Variants in HS6ST2 observed in about 807,000 individuals in gnomAD.
HS6ST2 encodes heparan-sulfate 6-O-sulfotransferase 2.
A neutral mutation model predicts 33.0 loss-of-function variants in HS6ST2; 17 were observed. The observed-to-expected ratio is 0.52, with a 90% CI of 0.35 to 0.77. The LOEUF (loss-of-function observed/expected upper bound fraction) is 0.77. Among genes scored for constraint, HS6ST2 ranks in the 30% least tolerant of loss-of-function variants. The pLI is 0.01. For missense variants in HS6ST2, 519 were observed against 551.7 expected, an observed-to-expected ratio of 0.94 and a Z score of 0.59; for synonymous variants, 248 against 237.1, an observed-to-expected ratio of 1.05 and a Z score of -0.42.
intron 2 of HS6ST2, among the ~76,000 whole-genome samples, chrX:132,744,977 T>G (rs2064622929): frequency 8.9e-6 from 1 of 112,456 alleles, no homozygotes; most frequent in Non-Finnish European, 1.9e-5. Context: ...TAGTTTAGAT[T>G]CAGGCGTTAC....
intron 2 of HS6ST2, among the ~76,000 whole-genome samples, chrX:132,849,146 A>AT (rs1374301213): frequency 1.7e-4 from 19 of 111,863 alleles, no homozygotes; most frequent in Non-Finnish European, 3.0e-4. Context: ...CTCTGTTGTA[A>AT]TTTTTAATAA....
At chrX:132,930,329 T>G (rs1268131504) in intron 2 of HS6ST2, among the ~76,000 whole-genome samples, 2 of 110,643 alleles carry the variant, frequency 1.8e-5, no homozygotes, top group Non-Finnish European at 3.8e-5. Flanking sequence ...GCCTGGCTAA[T>G]TTTGTATTTT....
intron 2 of HS6ST2, among the ~76,000 whole-genome samples, chrX:132,806,076 C>T (rs1220514216): frequency 9.1e-6 from 1 of 110,102 alleles, no homozygotes; most frequent in East Asian, 2.8e-4. Flanking sequence ...GAGACTTTGC[C>T]TTGGTATACC....
chrX:132,958,504 T>C lies in HS6ST2; in HGVS notation c.99A>G (p.Arg33=). 8.4e-7 allele frequency: 1 copy of C among 1,195,767 alleles called. No homozygotes were observed. The highest frequency in any genetic ancestry group is 1.1e-6 in the Non-Finnish European group (1 of 888,561). Residue 33 remains arginine (R), a synonymous_variant, in exon 1 of 5, where the codon AGA becomes AGG. Coordinates refer to ENST00000370833, the MANE Select transcript of HS6ST2 (RefSeq NM_001394073.1). ...GGCTCGCTGCCAATTCGGCCTCTAC[T>C]CTGGAATGCCGGCGGGGACAGGTGG... ...VRTTCPRRHS[R]VEAELAASRP...
chrX:132,778,397 GT>G (rs1269592662), intron 2 of HS6ST2, among the ~76,000 whole-genome samples: 2 of 110,150 alleles, frequency 1.8e-5, no homozygotes, highest in African/African-American at 6.7e-5. Context: ...GTTTTGTTTT[GT>G]TTTTTTGTTT....
intron 4 of HS6ST2, among the ~76,000 whole-genome samples, chrX:132,648,545 A>T (rs1044803663): frequency 1.8e-5 from 2 of 110,229 alleles, no homozygotes; most frequent in Non-Finnish European, 3.8e-5. Flanking sequence ...AGACAAAAAA[A>T]AAAAAAAAAA....
intron 2 of HS6ST2, among the ~76,000 whole-genome samples, chrX:132,835,536 T>C (rs1168849597): frequency 8.9e-6 from 1 of 112,202 alleles, no homozygotes; most frequent in African/African-American, 3.2e-5. Flanking sequence ...TGTATGAAGG[T>C]AACTCAAATA....
intron 2 of HS6ST2, among the ~76,000 whole-genome samples, chrX:132,881,486 T>C (rs1569500411): frequency 0.043 from 2 of 46 alleles, no homozygotes; most frequent in African/African-American, 0.14. Flanking sequence ...TTGTTTTTCT[T>C]GTAAATTTGT....
chrX:132,953,750 C>A (rs1206687507), intron 2 of HS6ST2, among the ~76,000 whole-genome samples: 1 of 112,492 alleles, frequency 8.9e-6, no homozygotes, highest in African/African-American at 3.2e-5. Flanking sequence ...GAAATCCGTT[C>A]TTCTCCCAAT....
intron 3 of HS6ST2, among the ~76,000 whole-genome samples, chrX:132,674,570 G>T (rs1356411000): frequency 1.8e-5 from 2 of 111,892 alleles, no homozygotes; most frequent in Non-Finnish European, 3.8e-5. Flanking sequence ...TTGCTATTTT[G>T]CTCTCTTCAC....
chrX:132,738,000 T>C (rs959369852), intron 2 of HS6ST2, among the ~76,000 whole-genome samples: 3 of 112,707 alleles, frequency 2.7e-5, no homozygotes, highest in African/African-American at 9.7e-5. Context: ...TTCTGTTCTC[T>C]GCCAACCCTT....
At chrX:132,784,897 G>A (rs916786374) in intron 2 of HS6ST2, among the ~76,000 whole-genome samples, 2 of 111,572 alleles carry the variant, frequency 1.8e-5, no homozygotes, top group Non-Finnish European at 3.8e-5. Flanking sequence ...GGTGCCAGAC[G>A]TGTCCCTTGG....
chrX:132,864,062 A>C (rs188447193), intron 2 of HS6ST2, among the ~76,000 whole-genome samples: 75 of 111,044 alleles, frequency 6.8e-4, no homozygotes, highest in African/African-American at 2.4e-3. Context: ...CAACATCAAC[A>C]AAAAGGACAT....
At chrX:132,710,829 A>G (rs1346832238) in intron 2 of HS6ST2, among the ~76,000 whole-genome samples, 1 of 111,553 alleles carries the variant, frequency 9.0e-6, no homozygotes, top group East Asian at 2.8e-4. Flanking sequence ...AAAAACAGGA[A>G]GCCTCTAAGT....
chrX:132,665,975 C>T (rs1279066506), intron 4 of HS6ST2, among the ~76,000 whole-genome samples: 1 of 111,505 alleles, frequency 9.0e-6, no homozygotes, highest in Non-Finnish European at 1.9e-5. Flanking sequence ...GTTTCCTAAG[C>T]GACTCAGCAT....
At chrX:132,630,366 G>A (rs935956924) in intron 4 of HS6ST2, among the ~76,000 whole-genome samples, 2 of 111,897 alleles carry the variant, frequency 1.8e-5, no homozygotes, top group Non-Finnish European at 3.8e-5. Context: ...TCAGCCACCT[G>A]CTTAACTGAA....
At chrX:132,917,803 G>A (rs1284902353) in intron 2 of HS6ST2, among the ~76,000 whole-genome samples, 1 of 111,587 alleles carries the variant, frequency 9.0e-6, no homozygotes, top group Non-Finnish European at 1.9e-5. Flanking sequence ...CACAGGAGAG[G>A]GAATGTGTTT....
At chrX:132,812,824 G>A (rs1192768092) in intron 2 of HS6ST2, among the ~76,000 whole-genome samples, 2 of 110,190 alleles carry the variant, frequency 1.8e-5, no homozygotes, top group African/African-American at 6.6e-5. Context: ...CCATCTCAGA[G>A]GAAGGGCTCA....
At chrX:132,775,811 C>T (rs1172149318) in intron 2 of HS6ST2, among the ~76,000 whole-genome samples, 4 of 111,306 alleles carry the variant, frequency 3.6e-5, no homozygotes, top group Non-Finnish European at 7.5e-5. Context: ...ATCACCTTTC[C>T]GCTACTAAAC....
Sources: gnomAD v4.1 joint callset for allele counts (sites outside exome capture counted in the v4.1 genomes callset) on GRCh38, gnomAD v4.1.1 for gene constraint, MANE v1.5 for transcripts, NCBI Gene and HGNC (gene_info 2026-07-23, HGNC 2026-07-21) for gene names.